Variants in DMXL2 observed in about 807,000 individuals in gnomAD.
The protein encoded by DMXL2 is Dmx like 2.
DMXL2 carries 103 observed loss-of-function variants against 331.1 expected under a neutral mutation model. The ratio of observed to expected loss-of-function variants is 0.31; its 90% CI spans 0.27 to 0.37. DMXL2 has a LOEUF of 0.37. Among genes scored for constraint, DMXL2 ranks in the 10% least tolerant of loss-of-function variants. DMXL2 has a pLI of 1.00. For synonymous variants in DMXL2, 1,281 were observed against 1,252.1 expected (o/e 1.02, Z -0.49); for missense variants, 3,171 against 3,642.9 (o/e 0.87, Z 3.33).
intron 1 of DMXL2, among the ~76,000 whole-genome samples, chr15:51,583,106 C>CTTTTTTTT (rs57226377): frequency 3.4e-5 from 3 of 87,174 alleles, no homozygotes; most frequent in African/African-American, 4.1e-5. Context: ...CTTCATTCTT[C>CTTTTTTTT]TTTTTTTTTT....
chr15:51,475,811 T>C (rs1190078366), intron 27 of DMXL2, among the ~76,000 whole-genome samples: 1 of 152,164 alleles, frequency 6.6e-6, no homozygotes, highest in Non-Finnish European at 1.5e-5. Context: ...CACATTGAAA[T>C]GTTTAGATGG....
chr15:51,567,492 T>G (rs2050370555), intron 3 of DMXL2: 1 of 152,126 alleles, frequency 6.6e-6, no homozygotes, highest in Non-Finnish European at 1.5e-5. Flanking sequence ...GGGTACAATT[T>G]TTTAAAGGGT....
intron 42 of DMXL2, chr15:51,450,571 CAG>C (rs1213312840): frequency 3.9e-6 from 2 of 518,186 alleles, no homozygotes; most frequent in African/African-American, 1.9e-5. Flanking sequence ...GAAATGAACA[CAG>C]AGAGAAAAAG....
intron 13 of DMXL2, among the ~76,000 whole-genome samples, chr15:51,517,624 T>C (rs1596089822): frequency 6.6e-6 from 1 of 152,190 alleles, no homozygotes; most frequent in East Asian, 1.9e-4. Context: ...ATCCCAAAAC[T>C]TTCTGCTAAA....
chr15:51,486,146 C>A lies in DMXL2; in HGVS notation c.5409G>T (p.Trp1803Cys). Residue 1803 changes from tryptophan (W) to cysteine (C), a missense_variant, in exon 23 of 44, where the codon TGG becomes TGT. By Grantham distance (215) the Trp-to-Cys change is radical (BLOSUM62 -2). This residue lies in a region of DMXL2 where 252 missense variants were observed against 387.4 expected (regional missense o/e 0.65). Coordinates refer to ENST00000560891, the MANE Select transcript of DMXL2 (RefSeq NM_001378457.1). Reference protein sequence around the residue: ...PDPFLRSLAYWVMKDYTRALD... With the variant: ...PDPFLRSLAYCVMKDYTRALD... ...AGGCTCGGGTGTAATCTTTCATTACCCAATAGGCAAGACTACGCAGGAAAG... is the reference window on the plus strand; with the variant it reads ...AGGCTCGGGTGTAATCTTTCATTACACAATAGGCAAGACTACGCAGGAAAG... The A allele has an allele frequency of 6.2e-7, 1 of 1,613,854 alleles. No individual in the cohort carries two copies. The highest frequency in any genetic ancestry group is 8.5e-7 in the Non-Finnish European group (1 of 1,179,864).
intron 6 of DMXL2, among the ~76,000 whole-genome samples, chr15:51,556,725 T>C (rs897928819): frequency 3.9e-5 from 6 of 152,034 alleles, no homozygotes; most frequent in South Asian, 4.1e-4. Flanking sequence ...TGAGCTGAGA[T>C]TGTGCCACTG....
At chr15:51,560,504 CAAAAAAAAAAAA>C (rs66990182) in intron 6 of DMXL2, among the ~76,000 whole-genome samples, 2 of 41,522 alleles carry the variant, frequency 4.8e-5, no homozygotes, top group South Asian at 1.1e-3. Flanking sequence ...TTATTTCTAC[CAAAAAAAAAAAA>C]AAAAAAAAAA....
intron 39 of DMXL2, among the ~76,000 whole-genome samples, chr15:51,455,542 G>A (rs1471890253): frequency 1.3e-5 from 2 of 152,176 alleles, no homozygotes; most frequent in African/African-American, 2.4e-5. Context: ...AGGACTAGAG[G>A]CACATGCCTG....
At chr15:51,497,654 T>C (rs1230075385) in intron 18 of DMXL2, among the ~76,000 whole-genome samples, 1 of 152,194 alleles carries the variant, frequency 6.6e-6, no homozygotes, top group Non-Finnish European at 1.5e-5. Flanking sequence ...CCCTGAACTA[T>C]GTGCATAAAA....
chr15:51,519,182 G>A (rs185537467), intron 13 of DMXL2, among the ~76,000 whole-genome samples: 2 of 151,102 alleles, frequency 1.3e-5, no homozygotes, highest in Admixed American at 6.6e-5. Context: ...CTTTTTTCAG[G>A]GTCTTGCTCT....
chr15:51,552,976 G>A (rs1307389907), intron 6 of DMXL2, among the ~76,000 whole-genome samples: 1 of 151,210 alleles, frequency 6.6e-6, no homozygotes, highest in South Asian at 2.1e-4. Flanking sequence ...TTGTTCCCTT[G>A]GCCAAAAACA....
At chr15:51,547,513 A>G (rs1284021695) in intron 6 of DMXL2, 105 bp from the exon 7 acceptor site, 3 of 688,522 alleles carry the variant, frequency 4.4e-6, no homozygotes, top group Admixed American at 3.6e-5. Context: ...AAAAACTAAT[A>G]TGTGACTTAT....
rs1160674333 is a variant in DMXL2, at chr15:51,480,865, T to G, written c.6241A>C (p.Ile2081Leu). 3 of 1,613,114 alleles carry G rather than the reference T, an allele frequency of 1.9e-6. No individual in the cohort carries two copies. In the South Asian group the frequency reaches 3.3e-5, roughly 18 times the overall value. ...FQLYNWLEKE[I>L]AALHEICNHE... ...TTACATATCTCATGCAAGGCAGCAA[T>G]TTCCTTTTCAAGCCAGTTATAGAGT... The change falls in exon 24 of 44, where the codon ATT becomes CTT. Residue 2081 changes from isoleucine to leucine, a missense_variant. Ile to Leu is a conservative substitution (Grantham distance 5, BLOSUM62 2). Around this residue, in one of 7 missense-constraint regions of DMXL2, gnomAD observed 197 missense variants for 196.2 expected, o/e 1.00. Coordinates refer to ENST00000560891, the MANE Select transcript of DMXL2 (RefSeq NM_001378457.1).
At chr15:51,557,689 C>T (rs1208171975) in intron 6 of DMXL2, among the ~76,000 whole-genome samples, 2 of 152,042 alleles carry the variant, frequency 1.3e-5, no homozygotes, top group African/African-American at 4.8e-5. Context: ...GACCAATGAA[C>T]TAGAGAAAAG....
intron 1 of DMXL2, among the ~76,000 whole-genome samples, chr15:51,580,063 AG>A (rs1729550385): frequency 6.6e-6 from 1 of 152,136 alleles, no homozygotes; most frequent in South Asian, 2.1e-4. Context: ...TGCTAGAAGG[AG>A]TGTGTTCATT....
intron 20 of DMXL2, among the ~76,000 whole-genome samples, chr15:51,490,742 A>T (rs2042734812): frequency 6.6e-6 from 1 of 152,198 alleles, no homozygotes; most frequent in South Asian, 2.1e-4. Flanking sequence ...CCTAAAAGGA[A>T]TCTACCAGAA....
At chr15:51,460,327 C>A (rs2040002033) in intron 33 of DMXL2, 2 of 985,290 alleles carry the variant, frequency 2.0e-6, no homozygotes, top group Non-Finnish European at 2.4e-6. Flanking sequence ...CACGAAGGGC[C>A]ATTCAAATTT....
chr15:51,595,651 G>A (rs887876689), intron 1 of DMXL2, among the ~76,000 whole-genome samples: 87 of 152,204 alleles, frequency 5.7e-4, no homozygotes, highest in Admixed American at 9.8e-4. Flanking sequence ...GAGGCATCAC[G>A]CCACCTGACT....
intron 29 of DMXL2, among the ~76,000 whole-genome samples, chr15:51,470,502 T>C (rs2041000606): frequency 1.3e-5 from 2 of 152,050 alleles, no homozygotes; most frequent in South Asian, 2.1e-4. Flanking sequence ...CAGCTTAGCA[T>C]ACAAAAAAAC....
Sources: allele counts gnomAD v4.1 joint callset (sites outside exome capture counted in the v4.1 genomes callset), GRCh38; gene constraint gnomAD v4.1.1; regional missense constraint gnomAD v4.1.1; transcripts MANE v1.5; gene names NCBI Gene and HGNC (gene_info 2026-07-23, HGNC 2026-07-21).